The following ADAMTSL1 variants were observed in gnomAD, a reference collection of about 807,000 sequenced individuals.
ADAMTSL1 encodes ADAMTS-like protein 1.
ADAMTSL1 carries 126 observed loss-of-function variants against 201.8 expected under a neutral mutation model. That is an observed-to-expected ratio of 0.62 (90% CI 0.54 to 0.72). The LOEUF (loss-of-function observed/expected upper bound fraction) is 0.72, where lower values mean the gene tolerates loss of function less well. Ranked by LOEUF, ADAMTSL1 falls within the 30% of genes least tolerant of loss-of-function variation. The pLI, the probability that ADAMTSL1 is intolerant of heterozygous loss-of-function variation, is 0.00. For synonymous variants in ADAMTSL1, 1,121 were observed against 903.4 expected (o/e 1.24, Z -4.32); for missense variants, 2,679 against 2,277.8 (o/e 1.18, Z -3.59).
At chr9:18,614,669 T>A (rs1475144229) in intron 4 of ADAMTSL1, among the ~76,000 whole-genome samples, 2 of 152,136 alleles carry the variant, frequency 1.3e-5, no homozygotes, top group Non-Finnish European at 2.9e-5. Context: ...GAGGAAATAA[T>A]CTGATTAAAA....
At chr9:18,749,564 A>G (rs1373098096) in intron 15 of ADAMTSL1, among the ~76,000 whole-genome samples, 1 of 151,954 alleles carries the variant, frequency 6.6e-6, no homozygotes, top group Non-Finnish European at 1.5e-5. Context: ...CCAGGCCACC[A>G]CTCATAGCCA....
chr9:18,293,016 G>A (rs1833334391), intron 2 of ADAMTSL1, among the ~76,000 whole-genome samples: 1 of 152,196 alleles, frequency 6.6e-6, no homozygotes, highest in Non-Finnish European at 1.5e-5. Context: ...GAGGTATCAA[G>A]ATTAGAGTAG....
chr9:18,058,285 C>T (rs1324941624), intron 1 of ADAMTSL1, among the ~76,000 whole-genome samples: 1 of 152,104 alleles, frequency 6.6e-6, no homozygotes, highest in Non-Finnish European at 1.5e-5. Context: ...GAGTGTTCTG[C>T]CAGATGCTAG....
At chr9:17,986,737 T>G (rs1198940077) in intron 1 of ADAMTSL1, among the ~76,000 whole-genome samples, 1 of 152,100 alleles carries the variant, frequency 6.6e-6, no homozygotes, top group Non-Finnish European at 1.5e-5. Context: ...GCACAATAAC[T>G]TATTTTAAAC....
At chr9:18,639,184 C>G (rs756792452) in intron 6 of ADAMTSL1, 70 bp from the exon 7 acceptor site, 40 of 1,467,964 alleles carry the variant, frequency 2.7e-5, no homozygotes, top group Non-Finnish European at 3.7e-5. Context: ...AACATTGTTG[C>G]ATGAAATGTG....
chr9:18,375,962 C>T (rs986311537), intron 2 of ADAMTSL1, among the ~76,000 whole-genome samples: 3 of 152,134 alleles, frequency 2.0e-5, no homozygotes, highest in Non-Finnish European at 4.4e-5. Context: ...TCTAGCTAGC[C>T]ACAGAGTGCT....
Position 18,474,393 on chromosome 9 carries a change from C to T in ADAMTSL1, c.63+98C>T, listed in dbSNP as rs573128155. 4.3e-5 allele frequency: 50 copies of T among 1,162,528 alleles called. No individual in the cohort carries two copies. In the South Asian group the frequency reaches 4.8e-4, roughly 11 times the overall value. 72.0% of individuals were successfully genotyped at this position (1,162,528 alleles called of 1,614,324 possible). On this transcript the variant is annotated intron_variant, in intron 1 of 28. Coordinates refer to ENST00000380548, the MANE Select transcript of ADAMTSL1 (RefSeq NM_001040272.6). ...TGTGTGTTTGTGTGTGTGTGTGTGT[C>T]TTTATCTTAAAACTCCAGGTAAAAT...
At chr9:17,914,868 T>C (rs1336413904) in intron 1 of ADAMTSL1, among the ~76,000 whole-genome samples, 1 of 152,212 alleles carries the variant, frequency 6.6e-6, no homozygotes, top group Non-Finnish European at 1.5e-5. Flanking sequence ...AGCATTCTTA[T>C]ACACCAATAA....
At chr9:18,749,835 C>T (rs1388304072) in intron 15 of ADAMTSL1, among the ~76,000 whole-genome samples, 1 of 152,236 alleles carries the variant, frequency 6.6e-6, no homozygotes, top group Non-Finnish European at 1.5e-5. Flanking sequence ...GAATGCAGTG[C>T]ACTTTTATCA....
intron 2 of ADAMTSL1, among the ~76,000 whole-genome samples, chr9:18,220,879 A>G (rs982106784): frequency 2.0e-5 from 3 of 151,718 alleles, no homozygotes; most frequent in South Asian, 4.2e-4. Flanking sequence ...GGCTCAAGTT[A>G]TCCTCCTGCC....
chr9:18,032,251 A>G (rs1820990724), intron 1 of ADAMTSL1, among the ~76,000 whole-genome samples: 1 of 152,126 alleles, frequency 6.6e-6, no homozygotes, highest in East Asian at 1.9e-4. Context: ...TTGTGTCCCA[A>G]GAGTGGTGGC....
chr9:18,434,315 C>T (rs1010639723), intron 2 of ADAMTSL1, among the ~76,000 whole-genome samples: 3 of 152,144 alleles, frequency 2.0e-5, no homozygotes, highest in African/African-American at 7.2e-5. Flanking sequence ...ATATTATTCC[C>T]AGAAGCTCCA....
chr9:18,480,770 A>G (rs1821685490), intron 1 of ADAMTSL1, among the ~76,000 whole-genome samples: 1 of 152,194 alleles, frequency 6.6e-6, no homozygotes, highest in Admixed American at 6.5e-5. Flanking sequence ...GCGGTTTGCA[A>G]TTTACTGCAT....
At chr9:18,664,650 G>C (rs1378966042) in intron 9 of ADAMTSL1, among the ~76,000 whole-genome samples, 1 of 151,862 alleles carries the variant, frequency 6.6e-6, no homozygotes, top group Non-Finnish European at 1.5e-5. Flanking sequence ...GAAGGAAAAA[G>C]TAAAAAATAA....
At chr9:18,619,247 G>A (rs1191114941) in intron 4 of ADAMTSL1, among the ~76,000 whole-genome samples, 2 of 152,156 alleles carry the variant, frequency 1.3e-5, no homozygotes, top group African/African-American at 4.8e-5. Flanking sequence ...AAAATCAACA[G>A]ATTAAGATAT....
At chr9:18,539,736 A>T (rs1043943393) in intron 3 of ADAMTSL1, among the ~76,000 whole-genome samples, 33 of 152,230 alleles carry the variant, frequency 2.2e-4, no homozygotes, top group African/African-American at 8.0e-4. Context: ...ACAGGCACAC[A>T]CATCCCATTA....
rs149512544 is a variant in ADAMTSL1 at position 17,914,902 on chromosome 9, A to T, written c.87+7980A>T. 7.9e-5 allele frequency among the ~76,000 whole-genome samples: 12 copies of T among 152,284 alleles called. No homozygotes were observed. In the East Asian group the frequency reaches 9.6e-4, roughly 12 times the overall value. On this transcript the variant is annotated intron_variant, in intron 1 of 29. Coordinates refer to the ADAMTSL1 transcript ENST00000680146. ...AACAGACAAACAGAGAGCCAAACCA[A>T]CTAAAATTCTTGAAGATGACTTGCT...
At chr9:18,366,779 G>T (rs894780604) in intron 2 of ADAMTSL1, among the ~76,000 whole-genome samples, 3 of 151,124 alleles carry the variant, frequency 2.0e-5, no homozygotes, top group South Asian at 2.1e-4. Flanking sequence ...CACCATTCCC[G>T]GCTAATTTTT....
chr9:18,308,171 A>G (rs1833980804), intron 2 of ADAMTSL1, among the ~76,000 whole-genome samples: 1 of 152,166 alleles, frequency 6.6e-6, no homozygotes, highest in South Asian at 2.1e-4. Flanking sequence ...ATGCACCAGA[A>G]TCTCTGGGAC....
Sources: allele counts gnomAD v4.1 joint callset (sites outside exome capture counted in the v4.1 genomes callset), GRCh38; gene constraint gnomAD v4.1.1; transcripts MANE v1.5; gene names NCBI Gene and HGNC (gene_info 2026-07-23, HGNC 2026-07-21).